SEC16B: variants seen among roughly 807,000 people sequenced by gnomAD.
SEC16B encodes SEC16 homolog B, endoplasmic reticulum export factor.
SEC16B carries 115 observed loss-of-function variants against 141.8 expected under a neutral mutation model. The observed-to-expected ratio is 0.81, with a 90% CI of 0.70 to 0.95. The LOEUF is 0.95. Among genes scored for constraint, SEC16B ranks in the 40% least tolerant of loss-of-function variants. The pLI is 0.00. For missense variants in SEC16B, 1,291 were observed against 1,312.3 expected, an observed-to-expected ratio of 0.98 and a Z score of 0.25; for synonymous variants, 493 against 492.5, an observed-to-expected ratio of 1.00 and a Z score of -0.01.
At chr1:177,948,408 G>A (rs942995331) in intron 12 of SEC16B, 7 of 1,304,262 alleles carry the variant, frequency 5.4e-6, no homozygotes, top group Middle Eastern at 2.1e-4. Context: ...TATGTTTTCT[G>A]GCTCTACAAA....
intron 10 of SEC16B, among the ~76,000 whole-genome samples, chr1:177,957,712 T>C (rs1257216216): frequency 6.6e-6 from 1 of 152,214 alleles, no homozygotes; most frequent in African/African-American, 2.4e-5. Flanking sequence ...TAAGCTATTA[T>C]GGACTATAGT....
At chr1:177,954,197 C>T in intron 11 of SEC16B, 82 bp downstream of exon 11, 4 of 1,018,594 alleles carry the variant, frequency 3.9e-6, no homozygotes, top group Non-Finnish European at 6.0e-6. Context: ...GCGCGTCTGA[C>T]ATTTCTCCAC....
intron 20 of SEC16B, among the ~76,000 whole-genome samples, chr1:177,934,855 C>T (rs1162767015): frequency 1.3e-5 from 2 of 152,136 alleles, no homozygotes; most frequent in African/African-American, 4.8e-5. Context: ...GGACGCAACA[C>T]TCACAATGAT....
chr1:177,947,684 G>A, intron 13 of SEC16B, 141 bp downstream of exon 13: 1 of 590,274 alleles, frequency 1.7e-6, no homozygotes, highest in Non-Finnish European at 3.1e-6. Context: ...GTTTAAAGCT[G>A]ACCTGGACGG....
chr1:177,983,516 G>T (rs1571368509), intron 1 of SEC16B, among the ~76,000 whole-genome samples: 1 of 148,440 alleles, frequency 6.7e-6, no homozygotes, highest in South Asian at 2.1e-4. Flanking sequence ...AGAGTAAAAG[G>T]TCTCAACAGA....
chr1:177,975,979 G>A (rs981408416), intron 1 of SEC16B, among the ~76,000 whole-genome samples: 3 of 152,162 alleles, frequency 2.0e-5, no homozygotes, highest in Admixed American at 1.3e-4. Context: ...TGGTGCCTGT[G>A]CCAGAGACAA....
chr1:177,958,516 A>G (rs1652805990), intron 9 of SEC16B, 154 bp from the exon 10 acceptor site: 5 of 625,650 alleles, frequency 8.0e-6, no homozygotes, highest in South Asian at 2.4e-5. Context: ...GCTATATTTC[A>G]GACTTCAGCA....
At position 177,937,432 on chromosome 1, in the gene SEC16B, G is replaced by A. The variant is rs746058111; in HGVS notation, c.2285C>T (p.Pro762Leu). 1.6e-5 allele frequency: 26 copies of A among 1,607,670 alleles called. No individual in the cohort carries two copies. The South Asian group carries it at 2.6e-4, about 16-fold the overall frequency. Residue 762 changes from proline (P) to leucine (L), a missense_variant, in exon 19 of 26, where the codon CCT (proline) becomes CTT (leucine). By Grantham distance (98) the Pro-to-Leu change is moderately conservative. This residue lies in a region of SEC16B where 605 missense variants were observed against 614.1 expected (regional missense o/e 0.99). Coordinates refer to ENST00000308284, the MANE Select transcript of SEC16B (RefSeq NM_033127.4). ...PGYRSALWLT[P>L]EQTCLLQPSP... is the part of the protein sequence containing the mutation. ...GGGCTGGAGCAGGCAGGTCTGCTCA[G>A]GTGTCAGCCACAGAGCTGAGCGGTA...
In SEC16B at chr1:177,932,588, G is replaced by A. The variant is rs776607050; in HGVS notation, c.2933-19C>T. The A allele has an allele frequency of 1.1e-5, 17 of 1,545,272 alleles. No individual in the cohort carries two copies. Among genetic ancestry groups the A allele is most frequent in the Non-Finnish European group, 1.4e-5 (16 of 1,145,884 alleles). Reference sequence around the variant, plus strand: ...CCCCCACCTGGAAAGTAATGAGGCAGAGCTGTTTCCTCTGCTCAGGACTGG... The same window carrying A: ...CCCCCACCTGGAAAGTAATGAGGCAAAGCTGTTTCCTCTGCTCAGGACTGG... On this transcript the variant is annotated intron_variant, in intron 23 of 25. Transcript: ENST00000308284.
Position 177,939,741 on chromosome 1 carries a change from TA to T in SEC16B, c.2163del (p.Thr722LeufsTer39), listed in dbSNP as rs1651138106. 6.3e-7 allele frequency: 1 copy of T among 1,596,114 alleles called. No homozygotes were observed. The highest frequency in any genetic ancestry group is 8.5e-7 in the Non-Finnish European group (1 of 1,170,526). On this transcript the variant is annotated frameshift_variant, in exon 18 of 26. Coordinates refer to ENST00000308284, the MANE Select transcript of SEC16B (RefSeq NM_033127.4). LOFTEE classifies it high-confidence loss of function. ...CCGGCTCCCGAAATATCTGAGCGAGTAGGATGAGGATCCCCAATGTCTCCTG... is the reference window on the plus strand; with the variant it reads ...CCGGCTCCCGAAATATCTGAGCGAGTGGATGAGGATCCCCAATGTCTCCTG... ...KVAGDIGDPH[P>X]TRSDISGAGG...
intron 25 of SEC16B, 48 bp from the exon 26 acceptor site, chr1:177,929,977 C>T (rs748589942): frequency 6.3e-7 from 1 of 1,591,682 alleles, no homozygotes; most frequent in South Asian, 1.1e-5. Context: ...CCAAACATGA[C>T]TCTGCCCGGG....
chr1:177,958,975 C>T lies in SEC16B; in HGVS notation c.999G>A (p.Arg333=). ...TAATATCCACCTTATGTACATCTTCCCTACATGGAAAAAATTTAGGGAGCA... is the reference window on the plus strand; with the variant it reads ...TAATATCCACCTTATGTACATCTTCTCTACATGGAAAAAATTTAGGGAGCA... ...EMRSFSGPLI[R]EDVHKVDIMT... is the part of the protein sequence containing the mutation. The change falls in exon 9 of 26, where the codon AGG becomes AGA. Residue 333 remains arginine (R), a splice_region_variant and synonymous_variant. Coordinates refer to ENST00000308284, the MANE Select transcript of SEC16B (RefSeq NM_033127.4). The T allele has an allele frequency of 6.2e-7, 1 of 1,612,214 alleles. No individual in the cohort carries two copies. The highest frequency in any genetic ancestry group is 8.5e-7 in the Non-Finnish European group (1 of 1,179,226).
intron 12 of SEC16B, among the ~76,000 whole-genome samples, chr1:177,949,383 AACACACACAC>A (rs61635250): frequency 0.035 from 4,734 of 136,804 alleles, 112 homozygotes; most frequent in African/African-American, 0.06. Context: ...TCCCTTGCTA[AACACACACAC>A]ACACACACAC....
upstream of SEC16B, chr1:177,973,245 T>G (rs747999240): frequency 5.9e-5 from 9 of 152,230 alleles, no homozygotes; most frequent in Non-Finnish European, 1.0e-4. Context: ...ATTTAATGAC[T>G]GGTTACTCTT....
At chr1:177,932,647 G>T in intron 23 of SEC16B, 51 bp downstream of exon 23, 2 of 1,512,776 alleles carry the variant, frequency 1.3e-6, no homozygotes, top group Admixed American at 4.3e-5. Context: ...CCCAACCCTT[G>T]GGAGTGCTGA....
intron 12 of SEC16B, among the ~76,000 whole-genome samples, chr1:177,949,395 C>CACACAT (rs1361554176): frequency 1.1e-5 from 1 of 92,798 alleles, no homozygotes; most frequent in Non-Finnish European, 2.4e-5. Context: ...CACACACACA[C>CACACAT]ACACACACAC....
chr1:177,930,012 GCA>G, intron 25 of SEC16B, 83 bp from the exon 26 acceptor site: 2 of 1,345,164 alleles, frequency 1.5e-6, no homozygotes, highest in Non-Finnish European at 2.1e-6. Flanking sequence ...TGGAGCTAGG[GCA>G]CCCTGAGCCT....
At chr1:177,957,639 C>A (rs750815161) in intron 10 of SEC16B, among the ~76,000 whole-genome samples, 3 of 152,092 alleles carry the variant, frequency 2.0e-5, no homozygotes, top group Non-Finnish European at 2.9e-5. Context: ...TCCCCTCAAG[C>A]CTTTATCCTT....
intron 10 of SEC16B, 96 bp downstream of exon 10, chr1:177,958,036 G>A: frequency 2.5e-6 from 2 of 787,004 alleles, no homozygotes; most frequent in Non-Finnish European, 3.6e-6. Flanking sequence ...TCCCTGAAAT[G>A]AGTATATACT....
Sources: allele counts gnomAD v4.1 joint callset (sites outside exome capture counted in the v4.1 genomes callset), GRCh38; gene constraint gnomAD v4.1.1; regional missense constraint gnomAD v4.1.1; transcripts MANE v1.5; gene names NCBI Gene and HGNC (gene_info 2026-07-23, HGNC 2026-07-21).